Variants in GLB1 observed in about 807,000 individuals in gnomAD.
The protein encoded by GLB1 is beta-galactosidase.
In GLB1, 56 loss-of-function variants were observed where a neutral mutation model predicts 74.0. The ratio of observed to expected loss-of-function variants is 0.76; its 90% CI spans 0.61 to 0.94. The LOEUF (loss-of-function observed/expected upper bound fraction) is 0.94, where lower values mean the gene tolerates loss of function less well. GLB1 is among the 40% of genes least tolerant of loss of function. The pLI is 0.00. For missense variants in GLB1, 787 were observed against 845.5 expected, an observed-to-expected ratio of 0.93 and a Z score of 0.86; for synonymous variants, 323 against 323.6, an observed-to-expected ratio of 1.00 and a Z score of 0.02.
In GLB1 at chr3:33,093,012, C is replaced by T; in HGVS notation, c.75+3999G>A. 1 of 1,614,212 alleles carries T rather than the reference C, an allele frequency of 6.2e-7. No homozygotes were observed. The highest frequency in any genetic ancestry group is 8.5e-7 in the Non-Finnish European group (1 of 1,180,044). On this transcript the variant is annotated intron_variant, in intron 1 of 15. Coordinates refer to ENST00000307363, the MANE Select transcript of GLB1 (RefSeq NM_000404.4). The surrounding 1 kb of genome is among the most constrained non-coding windows in gnomAD (Gnocchi z 6.0). ...TGCTACGTTCAAGGGGAAGATCTGCCCAGCATGTGTGTGCCCAGAAAGGAT... is the reference window on the plus strand; with the variant it reads ...TGCTACGTTCAAGGGGAAGATCTGCTCAGCATGTGTGTGCCCAGAAAGGAT...
chr3:33,069,690 T>G (rs72856153), intron 2 of GLB1, among the ~76,000 whole-genome samples: 23,171 of 152,230 alleles, frequency 0.15, 2,252 homozygotes, highest in East Asian at 0.42. Context: ...ACCAGTTTTA[T>G]CTCTAAAGAT....
At position 33,058,105 on chromosome 3, in the gene GLB1, C is replaced by T. The variant is rs761692955; in HGVS notation, c.717G>A (p.Thr239=). The change falls in exon 6 of 16, where the codon ACG becomes ACA. Residue 239 remains threonine, a synonymous_variant. Transcript: ENST00000307363. ...KCGALQGLYT[T]VDFGTGSNIT... The stretch of plus-strand genomic sequence containing the variant: ...AACACCAACCTGTTCCAAAGTCCAC[C>T]GTGGTGTAGAGGCCCTGCAGGGCCC... 29 of 1,613,752 alleles carry T rather than the reference C, an allele frequency of 1.8e-5. No individual in the cohort carries two copies. The highest frequency in any genetic ancestry group is 2.2e-5 in the East Asian group (1 of 44,894).
rs908163495 is a variant in GLB1 at position 32,996,948 on chromosome 3, T to C, written c.*97A>G. On this transcript the variant is annotated 3_prime_UTR_variant, in exon 16 of 16. Coordinates refer to ENST00000307363, the MANE Select transcript of GLB1 (RefSeq NM_000404.4). ...GAAAATGCACATCCTAAATTCCTTT[T>C]CCATTTCCACATTCCAATCAGTGAA... 1.5e-5 allele frequency: 24 copies of C among 1,606,840 alleles called. No individual in the cohort carries two copies. Among genetic ancestry groups the C allele is most frequent in the Non-Finnish European group, 2.0e-5 (24 of 1,176,118 alleles).
intron 15 of GLB1, among the ~76,000 whole-genome samples, chr3:32,999,769 G>A (rs775515254): frequency 7.9e-5 from 12 of 152,098 alleles, no homozygotes; most frequent in Non-Finnish European, 1.5e-4. Flanking sequence ...TTGTTCCTCC[G>A]CCTTCTGAGT....
intron 12 of GLB1, among the ~76,000 whole-genome samples, chr3:33,020,328 C>T (rs571649889): frequency 6.6e-6 from 1 of 152,314 alleles, no homozygotes; most frequent in South Asian, 2.1e-4. Flanking sequence ...ACTGTTCAGA[C>T]TCCTTCCAGA....
chr3:32,963,787 C>T, the GLB1 span, among the ~76,000 whole-genome samples: 1 of 152,106 alleles, frequency 6.6e-6, no homozygotes, highest in Non-Finnish European at 1.5e-5. Context: ...AAAAATTATG[C>T]TTTGTATGTT....
At chr3:32,992,066 T>C (rs1259965057), downstream of GLB1, among the ~76,000 whole-genome samples, 1 of 152,242 alleles carries the variant, frequency 6.6e-6, no homozygotes, top group Non-Finnish European at 1.5e-5. Flanking sequence ...CAACAGAATC[T>C]TCAAGGAATC....
At chr3:32,974,443 C>G in the GLB1 span, among the ~76,000 whole-genome samples, 6 of 152,140 alleles carry the variant, frequency 3.9e-5, no homozygotes, top group Non-Finnish European at 5.9e-5. Context: ...ATATCTATAT[C>G]ATTAATCTAT....
chr3:32,978,536 C>T, the GLB1 span, among the ~76,000 whole-genome samples: 1 of 152,314 alleles, frequency 6.6e-6, no homozygotes, highest in African/African-American at 2.4e-5. Context: ...GCTTTCTTCC[C>T]TTTTCTGCAA....
chr3:33,077,291 G>A, intron 1 of GLB1: 5 of 1,573,536 alleles, frequency 3.2e-6, no homozygotes, highest in Non-Finnish European at 4.3e-6. Flanking sequence ...GGGTTCTGTG[G>A]TGCAGTTTAG....
At chr3:33,066,575 T>A (rs1310428536) in intron 4 of GLB1, among the ~76,000 whole-genome samples, 1 of 152,174 alleles carries the variant, frequency 6.6e-6, no homozygotes, top group Non-Finnish European at 1.5e-5. Flanking sequence ...AGGTATTCTG[T>A]TACAAGCAAC....
intron 1 of GLB1, among the ~76,000 whole-genome samples, chr3:33,073,025 T>TCA (rs369532702): frequency 8.6e-5 from 13 of 151,696 alleles, no homozygotes; most frequent in South Asian, 4.2e-4. Flanking sequence ...CTGGGGAACA[T>TCA]CACACACACA....
chr3:33,016,740 ACACGTC>A lies in GLB1; in HGVS notation c.1442_1447del (p.Gly481_Arg482del). On this transcript the variant is annotated inframe_deletion, in exon 14 of 16. Transcript: ENST00000307363. ...ATCGTTGATATATGCACCATAGTTC[ACACGTC>A]CCATGTTCTCTACCAGAAGGTCCAG... 6.2e-7 allele frequency: 1 copy of A among 1,614,128 alleles called. No homozygotes were observed.
At position 33,004,158 on chromosome 3, in the gene GLB1, A is replaced by G. The variant is rs188585705; in HGVS notation, c.1735-6814T>C. Among the ~76,000 whole-genome samples the G allele has an allele frequency of 4.6e-5, 7 of 152,320 alleles. No individual in the cohort carries two copies. In the East Asian group the frequency reaches 1.2e-3, roughly 25 times the overall value. Reference sequence around the variant, plus strand: ...ACTTTGGCCTTAAGGAGCCTTGCGCATTTGCATTCTTTCTTTGAACCCTGC... The same window carrying G: ...ACTTTGGCCTTAAGGAGCCTTGCGCGTTTGCATTCTTTCTTTGAACCCTGC... On this transcript the variant is annotated intron_variant, in intron 15 of 15. Coordinates refer to ENST00000307363, the MANE Select transcript of GLB1 (RefSeq NM_000404.4).
chr3:33,027,821 G>A lies in GLB1; in HGVS notation c.1069-3496C>T, dbSNP rs577309936. ...AAAATAAAATAAATAAAAAGAGGAG[G>A]ACAAAAGACTGTTATAGTGAAAAGC... is the stretch of plus-strand genomic sequence containing the variant. On this transcript the variant is annotated intron_variant, in intron 10 of 15. Transcript: ENST00000307363. 7.2e-5 allele frequency among the ~76,000 whole-genome samples: 11 copies of A among 152,048 alleles called. No homozygotes were observed. In the South Asian group the frequency reaches 2.3e-3, roughly 32 times the overall value.
chr3:33,069,419 A>G (rs952833116), intron 2 of GLB1, among the ~76,000 whole-genome samples: 4 of 152,170 alleles, frequency 2.6e-5, no homozygotes, highest in Non-Finnish European at 5.9e-5. Context: ...AAAATTATCC[A>G]GAATTTGGAT....
chr3:32,970,913 C>T, the GLB1 span, among the ~76,000 whole-genome samples: 1 of 152,186 alleles, frequency 6.6e-6, no homozygotes, highest in Non-Finnish European at 1.5e-5. Context: ...ATAGCTCAAA[C>T]CAAATAATCC....
In GLB1 at chr3:33,060,187, C is replaced by A. The variant is rs9831065; in HGVS notation, c.553-1918G>T. On this transcript the variant is annotated intron_variant, in intron 5 of 15. Coordinates refer to ENST00000307363, the MANE Select transcript of GLB1 (RefSeq NM_000404.4). ...CCTCCCACAAGGTTTCATGAATGATCCTTCTCTCAGAGAGGATCCCTCTGG... is the reference window on the plus strand; with the variant it reads ...CCTCCCACAAGGTTTCATGAATGATACTTCTCTCAGAGAGGATCCCTCTGG... Among the ~76,000 whole-genome samples, 1,425 of 152,280 alleles carry A rather than the reference C, an allele frequency of 9.4e-3. 30 individuals are homozygous for A. The highest frequency in any genetic ancestry group is 0.032 in the African/African-American group (1,350 of 41,552).
At chr3:32,961,876 A>G in the GLB1 span, among the ~76,000 whole-genome samples, 1 of 152,354 alleles carries the variant, frequency 6.6e-6, no homozygotes, top group South Asian at 2.1e-4. Flanking sequence ...CCCTGGAGGT[A>G]CCAGCTCCAC....
Sources: allele counts gnomAD v4.1 joint callset (sites outside exome capture counted in the v4.1 genomes callset), GRCh38; gene constraint gnomAD v4.1.1; non-coding constraint Gnocchi (gnomAD v3.1); transcripts MANE v1.5; gene names NCBI Gene and HGNC (gene_info 2026-07-23, HGNC 2026-07-21).